The following CDYL variants were observed in gnomAD, a reference collection of about 807,000 sequenced individuals.
The protein encoded by CDYL is chromodomain Y-like protein.
Under a neutral mutation model 47.3 loss-of-function variants are expected in CDYL, and 8 were observed. The ratio of observed to expected loss-of-function variants is 0.17; its 90% CI spans 0.10 to 0.31. CDYL has a LOEUF of 0.31. Among genes scored for constraint, CDYL ranks in the 10% least tolerant of loss-of-function variants. CDYL has a pLI of 1.00. For synonymous variants in CDYL, 266 were observed against 265.0 expected (o/e 1.00, Z -0.04); for missense variants, 471 against 701.4 (o/e 0.67, Z 3.71).
In CDYL at chr6:4,954,596, T is replaced by C. The variant is rs1758812317; in HGVS notation, c.*540T>C. The C allele has an allele frequency of 6.6e-6, 1 of 152,642 alleles. No homozygotes were observed. Among genetic ancestry groups the C allele is most frequent in the South Asian group, 2.1e-4 (1 of 4,834 alleles). The allele number at this position is 152,642 out of a possible 1,614,324, so 9.5% of individuals were successfully genotyped here. A position where few individuals can be genotyped will look rare whatever the true frequency, so the allele number is the denominator to read the frequency against. ...GAAACTCAAAATCAAAAGACTTAGC[T>C]TCTAGGATAAATACTTCTGATGAAA... is the stretch of plus-strand genomic sequence containing the variant. On this transcript the variant is annotated 3_prime_UTR_variant, in exon 7 of 7. Coordinates refer to ENST00000397588, the MANE Select transcript of CDYL (RefSeq NM_004824.4).
intron 3 of CDYL, among the ~76,000 whole-genome samples, chr6:4,758,351 A>AAAATATATATATATATATATATATAT (rs1554134098): frequency 2.3e-5 from 3 of 129,070 alleles, no homozygotes; most frequent in Admixed American, 7.9e-5. Flanking sequence ...AAAATAAATA[A>AAAATATATATATATATATATATATAT]ATATATATAT....
At chr6:4,902,806 G>T (rs971552970) in intron 2 of CDYL, among the ~76,000 whole-genome samples, 1 of 152,162 alleles carries the variant, frequency 6.6e-6, no homozygotes, top group Non-Finnish European at 1.5e-5. Context: ...CGTGGCTTGA[G>T]TACTTAGATT....
At chr6:4,832,861 C>T (rs1368548918) in intron 1 of CDYL, among the ~76,000 whole-genome samples, 161 of 148,734 alleles carry the variant, frequency 1.1e-3, no homozygotes, top group Non-Finnish European at 1.7e-3. Flanking sequence ...AGTTTATTTG[C>T]GTAGAGGTGT....
chr6:4,816,237 A>C lies in CDYL; in HGVS notation c.24+39430A>C, dbSNP rs1331779126. ...GACGCACTGAGCATCAAGCACGCAA[A>C]TCTCTCGCGTCCCTGTTTTTTTTTT... On this transcript the variant is annotated intron_variant, in intron 1 of 6. Transcript: ENST00000397588. Among the ~76,000 whole-genome samples, 6 of 148,952 alleles carry C rather than the reference A, an allele frequency of 4.0e-5. No individual in the cohort carries two copies. In the East Asian group the frequency reaches 1.2e-3, roughly 29 times the overall value.
chr6:4,724,479 ATC>A (rs1249173926), intron 2 of CDYL: 2 of 152,680 alleles, frequency 1.3e-5, no homozygotes, highest in Non-Finnish European at 2.9e-5. Flanking sequence ...CGCGTCCGGA[ATC>A]GGTGGGTTCT....
intron 1 of CDYL, among the ~76,000 whole-genome samples, chr6:4,891,263 C>G (rs970775668): frequency 3.3e-5 from 5 of 152,196 alleles, no homozygotes; most frequent in Admixed American, 1.3e-4. Flanking sequence ...TCTTTGATGG[C>G]AGTTTCACAC....
intron 2 of CDYL, among the ~76,000 whole-genome samples, chr6:4,893,894 C>T (rs1294945725): frequency 2.0e-5 from 3 of 152,246 alleles, no homozygotes; most frequent in Non-Finnish European, 4.4e-5. Context: ...GGCCCAGGCC[C>T]TTGTGTAGCA....
intron 1 of CDYL, among the ~76,000 whole-genome samples, chr6:4,845,188 A>C (rs1391288971): frequency 6.6e-6 from 1 of 152,250 alleles, no homozygotes; most frequent in Non-Finnish European, 1.5e-5. Context: ...GTTTGCCAAA[A>C]GGTTCAAAAG....
chr6:4,947,220 T>G (rs781472698), intron 5 of CDYL, among the ~76,000 whole-genome samples: 3 of 152,058 alleles, frequency 2.0e-5, no homozygotes, highest in Non-Finnish European at 4.4e-5. Flanking sequence ...TGCTGAGAGA[T>G]ATTTGCCTTA....
chr6:4,725,284 G>A (rs1030917242), intron 2 of CDYL, among the ~76,000 whole-genome samples: 4 of 152,262 alleles, frequency 2.6e-5, no homozygotes, highest in African/African-American at 7.2e-5. Context: ...ATCCCGCACC[G>A]AGGGTGCAGG....
intron 2 of CDYL, among the ~76,000 whole-genome samples, chr6:4,731,669 T>C (rs1757607348): frequency 6.6e-6 from 1 of 152,094 alleles, no homozygotes; most frequent in Non-Finnish European, 1.5e-5. Flanking sequence ...TGCGGTGGCA[T>C]GCACCTGTAA....
At chr6:4,802,622 G>T (rs1759256960) in intron 1 of CDYL, among the ~76,000 whole-genome samples, 1 of 152,144 alleles carries the variant, frequency 6.6e-6, no homozygotes, top group African/African-American at 2.4e-5. Context: ...ACAGAAAGTT[G>T]ATATTTTTAG....
exon 2 of CDYL, chr6:4,715,871 G>A (rs1757247562): frequency 1.2e-6 from 2 of 1,613,778 alleles, no homozygotes; most frequent in African/African-American, 2.7e-5. Context: ...TATTCCTGAA[G>A]AGAAACAACG....
At chr6:4,784,818 G>C (rs1341957995) in intron 1 of CDYL, among the ~76,000 whole-genome samples, 1 of 152,186 alleles carries the variant, frequency 6.6e-6, no homozygotes, top group Non-Finnish European at 1.5e-5. Context: ...GTGGGAGGTA[G>C]TTGAATCGTG....
At chr6:4,807,848 C>T (rs867791849) in intron 1 of CDYL, among the ~76,000 whole-genome samples, 1 of 152,108 alleles carries the variant, frequency 6.6e-6, no homozygotes, top group East Asian at 1.9e-4. Context: ...GTCAAGCGAT[C>T]CACTTGCCTC....
At chr6:4,723,339 C>G (rs1757409079) in intron 2 of CDYL, among the ~76,000 whole-genome samples, 1 of 151,984 alleles carries the variant, frequency 6.6e-6, no homozygotes, top group Non-Finnish European at 1.5e-5. Flanking sequence ...GAACCAATCC[C>G]CAACAGATAC....
chr6:4,823,098 G>A (rs1240995384), intron 1 of CDYL, among the ~76,000 whole-genome samples: 1 of 152,176 alleles, frequency 6.6e-6, no homozygotes, highest in Non-Finnish European at 1.5e-5. Flanking sequence ...TTAACAAATT[G>A]TAACATTTTG....
intron 3 of CDYL, among the ~76,000 whole-genome samples, chr6:4,764,765 A>G (rs186595841): frequency 6.6e-6 from 1 of 152,364 alleles, no homozygotes; most frequent in Admixed American, 6.5e-5. Flanking sequence ...AGACAAATTC[A>G]TAGTCATGTT....
chr6:4,782,885 T>C (rs1284233328), intron 1 of CDYL, among the ~76,000 whole-genome samples: 2 of 152,180 alleles, frequency 1.3e-5, no homozygotes, highest in African/African-American at 2.4e-5. Context: ...ACTGATTGGG[T>C]TTAGAAGTTG....
Sources: allele counts gnomAD v4.1 joint callset (sites outside exome capture counted in the v4.1 genomes callset), GRCh38; gene constraint gnomAD v4.1.1; transcripts MANE v1.5; gene names NCBI Gene and HGNC (gene_info 2026-07-23, HGNC 2026-07-21).